The following USH2A variants were observed in gnomAD, a reference collection of about 807,000 sequenced individuals.
USH2A encodes Usher syndrome 2A (autosomal recessive, mild).
In USH2A, 443 loss-of-function variants were observed where a neutral mutation model predicts 538.9. That is an observed-to-expected ratio of 0.82 (90% confidence interval 0.76 to 0.89). USH2A has a LOEUF of 0.89. Among genes scored for constraint, USH2A ranks in the 40% least tolerant of loss-of-function variants. The pLI, the probability that USH2A is intolerant of heterozygous loss-of-function variation, is 0.00. For synonymous variants in USH2A, 2,413 were observed against 2,273.5 expected, an observed-to-expected ratio of 1.06 and a Z score of -1.75; for missense variants, 6,633 against 6,324.8, an observed-to-expected ratio of 1.05 and a Z score of -1.65.
intron 21 of USH2A, among the ~76,000 whole-genome samples, chr1:216,137,427 T>G (rs1165083222): frequency 6.6e-6 from 1 of 152,170 alleles, no homozygotes; most frequent in Non-Finnish European, 1.5e-5. Flanking sequence ...AAACCCGTGA[T>G]AAACCCATCA....
intron 44 of USH2A, among the ~76,000 whole-genome samples, chr1:215,849,606 T>C (rs188345373): frequency 2.6e-5 from 4 of 152,234 alleles, no homozygotes; most frequent in South Asian, 2.1e-4. Context: ...CCAAAATGAC[T>C]TATGTCTACA....
At chr1:215,685,818 A>G (rs1658407938) in intron 61 of USH2A, among the ~76,000 whole-genome samples, 1 of 152,174 alleles carries the variant, frequency 6.6e-6, no homozygotes, top group African/African-American at 2.4e-5. Context: ...TCACCTGCAC[A>G]CTTCCTTTAC....
At chr1:216,058,212 T>C (rs1031684711) in intron 30 of USH2A, among the ~76,000 whole-genome samples, 1 of 128,342 alleles carries the variant, frequency 7.8e-6, no homozygotes, top group Non-Finnish European at 1.7e-5. Context: ...ATTGACTTAC[T>C]GTGGACACCT....
chr1:216,207,986 A>G (rs2035154276), intron 15 of USH2A, among the ~76,000 whole-genome samples: 1 of 150,428 alleles, frequency 6.6e-6, no homozygotes, highest in Non-Finnish European at 1.5e-5. Context: ...TGAATATACT[A>G]TATGAATGTA....
At chr1:215,727,254 T>C (rs1659849921) in intron 61 of USH2A, among the ~76,000 whole-genome samples, 1 of 152,048 alleles carries the variant, frequency 6.6e-6, no homozygotes, top group Non-Finnish European at 1.5e-5. Context: ...CAAACATGTA[T>C]ACACATACAT....
intron 37 of USH2A, among the ~76,000 whole-genome samples, chr1:215,964,515 T>C (rs528129221): frequency 5.1e-4 from 77 of 152,196 alleles, no homozygotes; most frequent in African/African-American, 1.8e-3. Context: ...CAAAGAAACG[T>C]TTTCAAGCCT....
intron 30 of USH2A, among the ~76,000 whole-genome samples, chr1:216,050,588 C>CTTTCT (rs2102528507): frequency 1.3e-5 from 1 of 74,552 alleles, no homozygotes; most frequent in Admixed American, 1.6e-4. Context: ...TTCTTTCTTT[C>CTTTCT]TTTCTTTCTT....
chr1:216,330,393 GT>G (rs1277647446), intron 4 of USH2A, among the ~76,000 whole-genome samples: 1 of 152,064 alleles, frequency 6.6e-6, no homozygotes, highest in Non-Finnish European at 1.5e-5. Context: ...GGGATGTTAT[GT>G]CCAAGAGAGG....
chr1:215,740,623 A>G (rs1423844096), intron 60 of USH2A, among the ~76,000 whole-genome samples: 1 of 152,216 alleles, frequency 6.6e-6, no homozygotes, highest in Non-Finnish European at 1.5e-5. Flanking sequence ...TAATCTCTAC[A>G]TAATAATTAA....
intron 44 of USH2A, among the ~76,000 whole-genome samples, chr1:215,853,737 CA>C (rs1664082338): frequency 6.6e-6 from 1 of 152,160 alleles, no homozygotes; most frequent in Admixed American, 6.5e-5. Context: ...ATCTCTAGGG[CA>C]GGGGCAAAAT....
intron 21 of USH2A, among the ~76,000 whole-genome samples, chr1:216,159,274 C>G (rs9660965): frequency 0.21 from 31,610 of 151,884 alleles, 3,300 homozygotes; most frequent in Middle Eastern, 0.23. Context: ...CTGTACCTGA[C>G]CTCTGGGAAA....
Position 215,784,157 on chromosome 1 carries a change from C to T in USH2A, c.10388-1222G>A, listed in dbSNP as rs115636954. Among the ~76,000 whole-genome samples the T allele has an allele frequency of 1.1e-3, 172 of 152,244 alleles. 1 individual carries two copies. Among genetic ancestry groups the T allele is most frequent in the African/African-American group, 4.0e-3 (166 of 41,556 alleles). On this transcript the variant is annotated intron_variant, in intron 52 of 71. Transcript: ENST00000307340. ...GGTCAGAGGCCTCCTGCTTAGAAAA[C>T]CACATTTGCCAGTTTTCTTTGTAGC... is the stretch of plus-strand genomic sequence containing the variant.
chr1:215,683,216 TACACAC>T (rs71167830), intron 61 of USH2A, among the ~76,000 whole-genome samples: 46 of 149,688 alleles, frequency 3.1e-4, no homozygotes, highest in African/African-American at 1.1e-3. Context: ...AATAGTTTTA[TACACAC>T]ACACACACAC....
chr1:215,946,206 G>T (rs987487046), intron 37 of USH2A, among the ~76,000 whole-genome samples: 2 of 152,052 alleles, frequency 1.3e-5, no homozygotes, highest in African/African-American at 4.8e-5. Context: ...TCACTCAGTA[G>T]ATGTTTATTG....
intron 16 of USH2A, chr1:216,204,168 TACTGTCCACTCCCTAAACCTGCAAC>T (rs2035060973): frequency 6.5e-6 from 1 of 152,672 alleles, no homozygotes; most frequent in Non-Finnish European, 1.5e-5. Flanking sequence ...CAGTATGAGT[TACTGTCCACTCCCTAAACCTGCAAC>T]ACTAACAGAA....
At chr1:215,963,817 T>G (rs930208639) in intron 37 of USH2A, among the ~76,000 whole-genome samples, 20 of 152,038 alleles carry the variant, frequency 1.3e-4, no homozygotes, top group African/African-American at 4.8e-4. Context: ...AATACTAACA[T>G]GTAGAGGGTC....
intron 30 of USH2A, among the ~76,000 whole-genome samples, chr1:216,062,969 C>T (rs6419476): frequency 0.66 from 99,951 of 152,084 alleles, 33,969 homozygotes; most frequent in African/African-American, 0.83. Flanking sequence ...AAGAACCCTA[C>T]GCTAACTAAT....
Position 216,199,840 on chromosome 1 carries a change from C to G in USH2A, c.3598G>C (p.Gly1200Arg). Reference sequence around the variant, plus strand: ...CAGATGGTAGCTGAGGTTTCATGACCTTCGTAGGAAACACATGGCTGACCA... The same window carrying G: ...CAGATGGTAGCTGAGGTTTCATGACGTTCGTAGGAAACACATGGCTGACCA... Reference protein sequence around the residue: ...AGGQPCVSYEGHETSATIWNL... With the variant: ...AGGQPCVSYERHETSATIWNL... Residue 1200 changes from glycine (G) to arginine (R), a missense_variant, in exon 17 of 72, where the codon GGT becomes CGT. By Grantham distance (125) the Gly-to-Arg change is moderately radical. Coordinates refer to ENST00000307340, the MANE Select transcript of USH2A (RefSeq NM_206933.4). 3 of 1,614,098 alleles carry G rather than the reference C, an allele frequency of 1.9e-6. No individual in the cohort carries two copies. Among genetic ancestry groups the G allele is most frequent in the Non-Finnish European group, 1.7e-6 (2 of 1,180,002 alleles).
chr1:216,035,914 A>T (rs1018859703), intron 32 of USH2A, among the ~76,000 whole-genome samples: 1 of 152,166 alleles, frequency 6.6e-6, no homozygotes, highest in African/African-American at 2.4e-5. Flanking sequence ...ATGCACTTAC[A>T]TTCTTATTTT....
Sources: allele counts gnomAD v4.1 joint callset (sites outside exome capture counted in the v4.1 genomes callset), GRCh38; gene constraint gnomAD v4.1.1; transcripts MANE v1.5; gene names NCBI Gene and HGNC (gene_info 2026-07-23, HGNC 2026-07-21).